FBF1: variants seen among roughly 807,000 people sequenced by gnomAD.
FBF1 encodes Fas binding factor 1.
Under a neutral mutation model 147.2 loss-of-function variants are expected in FBF1, and 119 were observed. The ratio of observed to expected loss-of-function variants is 0.81; its 90% CI spans 0.70 to 0.94. The LOEUF is 0.94. Ranked by LOEUF, FBF1 falls within the 40% of genes least tolerant of loss-of-function variation. The pLI is 0.00. For missense variants in FBF1, 1,449 were observed against 1,500.8 expected (o/e 0.97, Z 0.57); for synonymous variants, 601 against 609.0 (o/e 0.99, Z 0.19).
chr17:75,930,088 C>T (rs1316919279), intron 6 of FBF1, 41 bp from the exon 7 acceptor site: 2 of 1,496,746 alleles, frequency 1.3e-6, no homozygotes, highest in East Asian at 2.4e-5. Context: ...TGAGGAGGCA[C>T]ATTAGTCAAG....
Position 75,909,801 on chromosome 17 carries a change from A to G in FBF1, c.*922T>C. Reference sequence around the variant, plus strand: ...CTGTTCTTTGGGACTTGTCCAGCAAATAACAGGAAACATTTTCTAAGAAAT... The same window carrying G: ...CTGTTCTTTGGGACTTGTCCAGCAAGTAACAGGAAACATTTTCTAAGAAAT... On this transcript the variant is annotated 3_prime_UTR_variant, in exon 30 of 30. Coordinates refer to ENST00000636174, the MANE Select transcript of FBF1 (RefSeq NM_001319193.2). 1 of 648,640 alleles carries G rather than the reference A, an allele frequency of 1.5e-6. No individual in the cohort carries two copies. Among genetic ancestry groups the G allele is most frequent in the Non-Finnish European group, 2.8e-6 (1 of 354,930 alleles). 40.2% of individuals were successfully genotyped at this position (648,640 alleles called of 1,614,324 possible). A position where few individuals can be genotyped will look rare whatever the true frequency, so the allele number is the denominator to read the frequency against.
At chr17:75,913,872 G>T (rs764669454) in intron 27 of FBF1, 41 bp downstream of exon 27, 1 of 1,559,454 alleles carries the variant, frequency 6.4e-7, no homozygotes, top group Non-Finnish European at 8.6e-7. Flanking sequence ...GGAGGCTGGG[G>T]GTGCCGGGGG....
intron 1 of FBF1, chr17:75,940,448 GT>G (rs1293669700): frequency 6.6e-6 from 1 of 152,066 alleles, no homozygotes; most frequent in Non-Finnish European, 1.5e-5. Flanking sequence ...AGAGACGGGG[GT>G]CTCCCTATGT....
intron 1 of FBF1, among the ~76,000 whole-genome samples, chr17:75,938,790 C>T (rs566843069): frequency 2.0e-5 from 3 of 150,850 alleles, no homozygotes; most frequent in African/African-American, 7.3e-5. Flanking sequence ...CGCTTGAACC[C>T]GCTAGACGGA....
At position 75,923,343 on chromosome 17, in the gene FBF1, G is replaced by C. The variant is rs567120647; in HGVS notation, c.1267C>G (p.Gln423Glu). Residue 423 changes from glutamine (Q) to glutamate (E), a missense_variant, in exon 14 of 30, where the codon CAG becomes GAG. Gln to Glu is a conservative substitution (Grantham distance 29). Coordinates refer to ENST00000636174, the MANE Select transcript of FBF1 (RefSeq NM_001319193.2). The surrounding 1 kb of genome is among the most constrained non-coding windows in gnomAD (Gnocchi z 4.1). ...EGAGSPAKAS[Q>E]ASKLRASKEE... Reference sequence around the variant, plus strand: ...TTGGAGGCTCGCAGCTTGGAAGCCTGGCTGGCTTTGGCAGGGGACCCTGCA... The same window carrying C: ...TTGGAGGCTCGCAGCTTGGAAGCCTCGCTGGCTTTGGCAGGGGACCCTGCA... The C allele has an allele frequency of 6.2e-7, 1 of 1,603,476 alleles. No individual in the cohort carries two copies. Among genetic ancestry groups the C allele is most frequent in the East Asian group, 2.2e-5 (1 of 44,596 alleles).
chr17:75,935,652 C>T lies in FBF1; in HGVS notation c.53G>A (p.Gly18Asp). The change falls in exon 4 of 30, where the codon GGT becomes GAT. Residue 18 changes from glycine to aspartate, a missense_variant. By Grantham distance (94) the Gly-to-Asp change is moderately conservative (BLOSUM62 -1). Transcript: ENST00000636174. ...GCKGSIDDFLGDLLGDDMTLP... is the reference protein window; with the variant it reads ...GCKGSIDDFLDDLLGDDMTLP... Reference sequence around the variant, plus strand: ...CTTACTATCATCCCCTAGAAGGTCACCAAGAAAATCATCAATGGAGCCTGG... The same window carrying T: ...CTTACTATCATCCCCTAGAAGGTCATCAAGAAAATCATCAATGGAGCCTGG... The T allele has an allele frequency of 6.5e-7, 1 of 1,536,884 alleles. No individual in the cohort carries two copies. Among genetic ancestry groups the T allele is most frequent in the Non-Finnish European group, 8.7e-7 (1 of 1,146,810 alleles).
chr17:75,928,939 C>G lies in FBF1; in HGVS notation c.280-746G>C, dbSNP rs2065578068. On this transcript the variant is annotated intron_variant, in intron 7 of 29. Transcript: ENST00000636174. This position sits in a 1 kb window ranked among gnomAD's most constrained non-coding sequence, Gnocchi z 4.2. ...CTTCTGAGCTCAAGTGATCCACCTG[C>G]CATGGCCTCCCAAAGTGCTGGCATT... Among the ~76,000 whole-genome samples, 2 of 152,060 alleles carry G rather than the reference C, an allele frequency of 1.3e-5. No homozygotes were observed. Among genetic ancestry groups the G allele is most frequent in the Admixed American group, 6.5e-5 (1 of 15,276 alleles).
chr17:75,920,259 C>T lies in FBF1; in HGVS notation c.1830+15G>A, dbSNP rs1375913181. On this transcript the variant is annotated intron_variant, in intron 18 of 29. Coordinates refer to ENST00000636174, the MANE Select transcript of FBF1 (RefSeq NM_001319193.2). Reference sequence around the variant, plus strand: ...CAACCCTGCCACCAGCACCAACGGCCCCGCTGCCCCTCACCTGGGCCTCCA... The same window carrying T: ...CAACCCTGCCACCAGCACCAACGGCTCCGCTGCCCCTCACCTGGGCCTCCA... The T allele has an allele frequency of 6.2e-7, 1 of 1,604,564 alleles. No homozygotes were observed. The highest frequency in any genetic ancestry group is 1.7e-5 in the Admixed American group (1 of 59,602).
At chr17:75,915,206 GA>G (rs2041364578) in intron 23 of FBF1, 67 bp from the exon 24 acceptor site, 1 of 1,534,350 alleles carries the variant, frequency 6.5e-7, no homozygotes, top group South Asian at 1.2e-5. Context: ...GCCACTCCCT[GA>G]GAAGCTGCAT....
In FBF1 at chr17:75,926,804, CTG is replaced by C. The variant is rs749701187; in HGVS notation, c.547_548del (p.Gln183GlufsTer2). On this transcript the variant is annotated frameshift_variant, in exon 10 of 30. Transcript: ENST00000636174. LOFTEE classifies it high-confidence loss of function. ...GGCTCTTGTCAGAAGCTGTTTTACTCTGTGTCACAGGCGGCTGCTTGGTGATT... is the reference window on the plus strand; with the variant it reads ...GGCTCTTGTCAGAAGCTGTTTTACTCTGTCACAGGCGGCTGCTTGGTGATT... ...GGITKQPPVTQSKTASDKSPS... is the reference protein window; with the variant it reads ...GGITKQPPVTXSKTASDKSPS... 6 of 1,613,806 alleles carry C rather than the reference CTG, an allele frequency of 3.7e-6. No homozygotes were observed. Among genetic ancestry groups the C allele is most frequent in the African/African-American group, 1.3e-5 (1 of 74,944 alleles).
At chr17:75,926,455 G>A in intron 10 of FBF1, 29 bp from the exon 11 acceptor site, 1 of 1,523,356 alleles carries the variant, frequency 6.6e-7, no homozygotes, top group African/African-American at 1.4e-5. Context: ...CCCAATGCCT[G>A]CAGCCTTCTT....
At position 75,909,818 on chromosome 17, in the gene FBF1, C is replaced by A; in HGVS notation, c.*905G>T. 1.5e-6 allele frequency: 1 copy of A among 659,922 alleles called. No individual in the cohort carries two copies. Among genetic ancestry groups the A allele is most frequent in the Non-Finnish European group, 2.8e-6 (1 of 360,904 alleles). 40.9% of individuals were successfully genotyped at this position (659,922 alleles called of 1,614,324 possible). A position where few individuals can be genotyped will look rare whatever the true frequency, so the allele number is the denominator to read the frequency against. ...TCCAGCAAATAACAGGAAACATTTT[C>A]TAAGAAATAAGTATAAACTCCGATG... On this transcript the variant is annotated 3_prime_UTR_variant, in exon 30 of 30. Coordinates refer to ENST00000636174, the MANE Select transcript of FBF1 (RefSeq NM_001319193.2).
At chr17:75,924,848 C>T (rs932010690) in intron 13 of FBF1, among the ~76,000 whole-genome samples, 1 of 152,158 alleles carries the variant, frequency 6.6e-6, no homozygotes, top group East Asian at 1.9e-4. Flanking sequence ...ACTCCAAACT[C>T]AGAAAATCCT....
rs1302648860 is a variant in FBF1, at chr17:75,923,986, G to A, written c.969-345C>T. Among the ~76,000 whole-genome samples the A allele has an allele frequency of 2.0e-5, 3 of 152,168 alleles. No individual in the cohort carries two copies. Among genetic ancestry groups the A allele is most frequent in the Non-Finnish European group, 4.4e-5 (3 of 68,040 alleles). On this transcript the variant is annotated intron_variant, in intron 13 of 29. Transcript: ENST00000636174. This position sits in a 1 kb window ranked among gnomAD's most constrained non-coding sequence, Gnocchi z 4.1. ...CCAGATCTTTGGGAGGCCAGGGTGG[G>A]CAGATCGCTTAAGGCCAGGAGTTCA...
Position 75,917,997 on chromosome 17 carries a change from C to A in FBF1, c.2320G>T (p.Ala774Ser). 1 of 1,612,106 alleles carries A rather than the reference C, an allele frequency of 6.2e-7. No homozygotes were observed. The highest frequency in any genetic ancestry group is 8.5e-7 in the Non-Finnish European group (1 of 1,178,900). Residue 774 changes from alanine to serine, a missense_variant, in exon 22 of 30, where the codon GCC (alanine) becomes TCC (serine). Transcript: ENST00000636174. The stretch of plus-strand genomic sequence containing the variant: ...TCCTGGGAGGTGGTGAGGTGCGAGG[C>A]CTCCACGCGGGAGGACAACTCGTGC... ...SLHELSSRVEASHLTTSQERE... is the reference protein window; with the variant it reads ...SLHELSSRVESSHLTTSQERE...
chr17:75,923,447 G>A lies in FBF1; in HGVS notation c.1163C>T (p.Pro388Leu), dbSNP rs770094221. ...CTGGCTCGCAGGAGGAGGCACTGAG[G>A]GCGTGACAGGCACTGAACTTTCCCG... ...AHRESSVPVT[P>L]SVPPPASQHS... Residue 388 changes from proline (P) to leucine (L), a missense_variant, in exon 14 of 30, where the codon CCC (proline) becomes CTC (leucine). Coordinates refer to ENST00000636174, the MANE Select transcript of FBF1 (RefSeq NM_001319193.2). This position sits in a 1 kb window ranked among gnomAD's most constrained non-coding sequence, Gnocchi z 4.1. 2.5e-5 allele frequency: 40 copies of A among 1,609,036 alleles called. No homozygotes were observed. The African/African-American group carries it at 5.1e-4, about 20-fold the overall frequency.
intron 23 of FBF1, among the ~76,000 whole-genome samples, chr17:75,917,284 A>G (rs933806375): frequency 5.3e-5 from 8 of 152,364 alleles, no homozygotes; most frequent in African/African-American, 1.9e-4. Flanking sequence ...TTATTTAAAT[A>G]AAGCATGTGC....
Position 75,909,889 on chromosome 17 carries a change from G to C in FBF1, c.*834C>G. Reference sequence around the variant, plus strand: ...TTTTAAGCTTAGTCAAGTTGAAGCAGCGGGAGTGGAGGAGGATCAGAGAAA... The same window carrying C: ...TTTTAAGCTTAGTCAAGTTGAAGCACCGGGAGTGGAGGAGGATCAGAGAAA... On this transcript the variant is annotated 3_prime_UTR_variant, in exon 30 of 30. Transcript: ENST00000636174. 1.4e-6 allele frequency: 1 copy of C among 700,870 alleles called. No individual in the cohort carries two copies. The highest frequency in any genetic ancestry group is 2.6e-6 in the Non-Finnish European group (1 of 383,956). The allele number at this position is 700,870 out of a possible 1,614,324, so 43.4% of individuals were successfully genotyped here.
At chr17:75,913,479 TC>T in intron 28 of FBF1, 4 of 429,338 alleles carry the variant, frequency 9.3e-6, no homozygotes, top group Admixed American at 4.1e-5. Context: ...CCTTTTTTTT[TC>T]CTGAGTCCAG....
Sources: allele counts gnomAD v4.1 joint callset (sites outside exome capture counted in the v4.1 genomes callset), GRCh38; gene constraint gnomAD v4.1.1; non-coding constraint Gnocchi (gnomAD v3.1); transcripts MANE v1.5; gene names NCBI Gene and HGNC (gene_info 2026-07-23, HGNC 2026-07-21).